The following ARHGEF40 variants were observed in gnomAD, a reference collection of about 807,000 sequenced individuals.
The protein encoded by ARHGEF40 is Rho guanine nucleotide exchange factor (GEF) 40.
Under a neutral mutation model 165.9 loss-of-function variants are expected in ARHGEF40, and 98 were observed. The ratio of observed to expected loss-of-function variants is 0.59; its 90% CI spans 0.50 to 0.70. The LOEUF (loss-of-function observed/expected upper bound fraction) is 0.70, where lower values mean the gene tolerates loss of function less well. ARHGEF40 is among the 30% of genes least tolerant of loss of function. The probability of loss-of-function intolerance (pLI) is 0.00; values close to 1 mark genes in which losing one functional copy is unlikely to be tolerated. For synonymous variants in ARHGEF40, 792 were observed against 814.3 expected (o/e 0.97, Z 0.47); for missense variants, 1,815 against 1,968.0 (o/e 0.92, Z 1.47).
chr14:21,087,348 G>A lies in ARHGEF40; in HGVS notation c.4272G>A (p.Val1424=), dbSNP rs760616276. The change falls in exon 21 of 24, where the codon GTG becomes GTA. Residue 1424 remains valine (V), a synonymous_variant. Coordinates refer to ENST00000298694, the MANE Select transcript of ARHGEF40 (RefSeq NM_018071.5). ...RAARTRASVA[V]SSFEHAGPSL... ...CCCGCACCCGGGCCTCCGTGGCCGT[G>A]TCATCCTTTGAGCATGCCGGCCCCT... The A allele has an allele frequency of 2.9e-5, 46 of 1,606,588 alleles. No individual in the cohort carries two copies. Among genetic ancestry groups the A allele is most frequent in the Non-Finnish European group, 3.9e-5 (46 of 1,179,752 alleles).
Position 21,087,335 on chromosome 14 carries a change from C to T in ARHGEF40, c.4259C>T (p.Ala1420Val). The change falls in exon 21 of 24, where the codon GCC becomes GTC. Residue 1420 changes from alanine to valine, a missense_variant. Transcript: ENST00000298694. Reference sequence around the variant, plus strand: ...CTCTCTGCAGCCGCCCGCACCCGGGCCTCCGTGGCCGTGTCATCCTTTGAG... The same window carrying T: ...CTCTCTGCAGCCGCCCGCACCCGGGTCTCCGTGGCCGTGTCATCCTTTGAG... ...LLTGRAARTRASVAVSSFEHA... is the reference protein window; with the variant it reads ...LLTGRAARTRVSVAVSSFEHA... The T allele has an allele frequency of 6.2e-7, 1 of 1,606,206 alleles. No individual in the cohort carries two copies. Among genetic ancestry groups the T allele is most frequent in the Non-Finnish European group, 8.5e-7 (1 of 1,179,316 alleles).
In ARHGEF40 at chr14:21,074,507, T is replaced by C; in HGVS notation, c.777T>C (p.Ala259=). The C allele has an allele frequency of 6.4e-7, 1 of 1,553,248 alleles. No homozygotes were observed. Among genetic ancestry groups the C allele is most frequent in the Non-Finnish European group, 8.7e-7 (1 of 1,148,992 alleles). The change falls in exon 3 of 24, where the codon GCT becomes GCC. Residue 259 remains alanine, a synonymous_variant. Coordinates refer to ENST00000298694, the MANE Select transcript of ARHGEF40 (RefSeq NM_018071.5). The surrounding 1 kb of genome is among the most constrained non-coding windows in gnomAD (Gnocchi z 4.8). ...TLPVRGSPTD[A]EGSPGLSRVR... ...CCGTGAGGGGGAGCCCAACAGATGCTGAAGGCTCCCCAGGCCTCTCCAGAG... is the reference window on the plus strand; with the variant it reads ...CCGTGAGGGGGAGCCCAACAGATGCCGAAGGCTCCCCAGGCCTCTCCAGAG...
chr14:21,063,513 C>T, the ARHGEF40 span, among the ~76,000 whole-genome samples: 3 of 151,934 alleles, frequency 2.0e-5, no homozygotes, highest in African/African-American at 4.8e-5. Context: ...GGGCAGAGAC[C>T]TGGAGGTAGA....
rs954799328 is a variant in ARHGEF40, at chr14:21,082,244, T to C, written c.3252T>C (p.Ser1084=). Reference sequence around the variant, plus strand: ...TCTGCCACTCCTATTGTGCCTGCAGTGCCCAGCAGCGGCTGGTGTCTGAGC... The same window carrying C: ...TCTGCCACTCCTATTGTGCCTGCAGCGCCCAGCAGCGGCTGGTGTCTGAGC... ...TPRMERKRSI[S]AQQRLVSELI... The change falls in exon 15 of 24, where the codon AGT becomes AGC. Residue 1084 remains serine (S), a splice_region_variant and synonymous_variant. Transcript: ENST00000298694. The C allele has an allele frequency of 2.5e-6, 4 of 1,605,092 alleles. No individual in the cohort carries two copies. Among genetic ancestry groups the C allele is most frequent in the Admixed American group, 3.4e-5 (2 of 59,550 alleles).
chr14:21,077,687 C>T (rs1267773825), intron 8 of ARHGEF40, among the ~76,000 whole-genome samples: 1 of 152,178 alleles, frequency 6.6e-6, no homozygotes, highest in Non-Finnish European at 1.5e-5. Flanking sequence ...CCTTCCAGCA[C>T]TTATCTCATG....
At chr14:21,088,431 G>C (rs1239188497) in intron 22 of ARHGEF40, among the ~76,000 whole-genome samples, 5 of 151,600 alleles carry the variant, frequency 3.3e-5, no homozygotes, top group African/African-American at 1.2e-4. Flanking sequence ...TGTAATCCCA[G>C]ACTTTCAGAG....
Position 21,080,573 on chromosome 14 carries a change from T to C in ARHGEF40, c.2374-87T>C, listed in dbSNP as rs533887442. On this transcript the variant is annotated intron_variant, in intron 11 of 23. Coordinates refer to ENST00000298694, the MANE Select transcript of ARHGEF40 (RefSeq NM_018071.5). Reference sequence around the variant, plus strand: ...AATAGTTCACTCAAAGTTCTATAGATTGGGGTGGTGGGGCTGATGCTGGAT... The same window carrying C: ...AATAGTTCACTCAAAGTTCTATAGACTGGGGTGGTGGGGCTGATGCTGGAT... 192 of 1,439,094 alleles carry C rather than the reference T, an allele frequency of 1.3e-4. 1 individual carries two copies. Among genetic ancestry groups the C allele is most frequent in the Middle Eastern group, 7.7e-4 (3 of 3,882 alleles). The allele number at this position is 1,439,094 out of a possible 1,614,324, so 89.1% of individuals were successfully genotyped here.
At chr14:21,087,522 C>A in intron 21 of ARHGEF40, 59 bp downstream of exon 21, 1 of 1,579,094 alleles carries the variant, frequency 6.3e-7, no homozygotes, top group South Asian at 1.1e-5. Flanking sequence ...GATGTTCAGG[C>A]TGCTTGCTGC....
chr14:21,064,113 C>T, the ARHGEF40 span, among the ~76,000 whole-genome samples: 28 of 152,278 alleles, frequency 1.8e-4, no homozygotes, highest in African/African-American at 6.7e-4. Flanking sequence ...TAAAATGGCT[C>T]CTACCATTTG....
the ARHGEF40 span, among the ~76,000 whole-genome samples, chr14:21,064,049 G>A: frequency 6.6e-6 from 1 of 152,262 alleles, no homozygotes; most frequent in African/African-American, 2.4e-5. Context: ...TTTTAAGAGT[G>A]TTTCATGACC....
intron 6 of ARHGEF40, 38 bp from the exon 7 acceptor site, chr14:21,076,525 C>T (rs779995412): frequency 1.5e-5 from 24 of 1,613,656 alleles, no homozygotes; most frequent in East Asian, 8.9e-5. Flanking sequence ...CCAGGACACC[C>T]GATTGCCCAG....
rs1244665588 is a variant in ARHGEF40 at position 21,090,002 on chromosome 14, TG to T, written c.*995del. 1 of 252,758 alleles carries T rather than the reference TG, an allele frequency of 4.0e-6. No homozygotes were observed. Among genetic ancestry groups the T allele is most frequent in the Non-Finnish European group, 8.1e-6 (1 of 122,964 alleles). The allele number at this position is 252,758 out of a possible 1,614,324, so 15.7% of individuals were successfully genotyped here. ...ACTCTTTGGGTGATAACTAAGTGTC[TG>T]AAGAGGTGACTATTTCCTGACAGAA... is the stretch of plus-strand genomic sequence containing the variant. On this transcript the variant is annotated 3_prime_UTR_variant, in exon 24 of 24. Coordinates refer to ENST00000298694, the MANE Select transcript of ARHGEF40 (RefSeq NM_018071.5). This position sits in a 1 kb window ranked among gnomAD's most constrained non-coding sequence, Gnocchi z 4.4.
intron 19 of ARHGEF40, 79 bp from the exon 20 acceptor site, chr14:21,086,922 A>T: frequency 8.3e-7 from 1 of 1,200,488 alleles, no homozygotes. Context: ...AAAAAAAAAA[A>T]GAAAAAAATC....
Position 21,073,255 on chromosome 14 carries a change from GC to G in ARHGEF40, c.201+14del, listed in dbSNP as rs1887126531. 6.3e-7 allele frequency: 1 copy of G among 1,589,188 alleles called. No homozygotes were observed. Among genetic ancestry groups the G allele is most frequent in the South Asian group, 1.1e-5 (1 of 88,430 alleles). On this transcript the variant is annotated intron_variant, in intron 2 of 23. Transcript: ENST00000298694. The surrounding 1 kb of genome is among the most constrained non-coding windows in gnomAD (Gnocchi z 4.6). ...GCAGGAAGCCTGTGTGAGTGGCCGT[GC>G]ATCACTATTCTGCCTTCCCCAAGAT...
At position 21,087,956 on chromosome 14, in the gene ARHGEF40, C is replaced by T. The variant is rs370961653; in HGVS notation, c.4388-12C>T. The T allele has an allele frequency of 1.5e-5, 24 of 1,613,802 alleles. No individual in the cohort carries two copies. The highest frequency in any genetic ancestry group is 2.0e-5 in the Non-Finnish European group (24 of 1,180,042). ...ATTCTGTACTCTGCTCTCACCCTAG[C>T]TTCCCCTTCAGCCCCAGAAACACTT... On this transcript the variant is annotated splice_polypyrimidine_tract_variant and intron_variant, in intron 21 of 23. Coordinates refer to ENST00000298694, the MANE Select transcript of ARHGEF40 (RefSeq NM_018071.5).
chr14:21,063,102 G>A, the ARHGEF40 span, among the ~76,000 whole-genome samples: 1 of 152,040 alleles, frequency 6.6e-6, no homozygotes, highest in Non-Finnish European at 1.5e-5. Flanking sequence ...TGTACTCCAG[G>A]CTGGGCAACG....
chr14:21,066,275 G>A (rs764893623), upstream of ARHGEF40, among the ~76,000 whole-genome samples: 52 of 151,440 alleles, frequency 3.4e-4, no homozygotes, highest in Non-Finnish European at 6.5e-4. Context: ...GCCATTAGAC[G>A]GGGTTGATGA....
At chr14:21,088,650 C>A (rs1888574400) in intron 22 of ARHGEF40, among the ~76,000 whole-genome samples, 180 bp from the exon 23 acceptor site, 2 of 152,250 alleles carry the variant, frequency 1.3e-5, no homozygotes, top group Middle Eastern at 6.8e-3. Context: ...TGTGCCACTG[C>A]ACTCCAACCT....
chr14:21,066,312 TTG>T (rs372349097), upstream of ARHGEF40, among the ~76,000 whole-genome samples: 516 of 148,764 alleles, frequency 3.5e-3, 6 homozygotes, highest in African/African-American at 0.012. Context: ...TTTTTTTTGG[TTG>T]TGTTTTTTTT....
Sources: gnomAD v4.1 joint callset for allele counts (sites outside exome capture counted in the v4.1 genomes callset) on GRCh38, gnomAD v4.1.1 for gene constraint, Gnocchi (gnomAD v3.1) non-coding constraint, MANE v1.5 for transcripts, NCBI Gene and HGNC (gene_info 2026-07-23, HGNC 2026-07-21) for gene names.